The following STK33 variants were observed in gnomAD, a reference collection of about 807,000 sequenced individuals.
The protein encoded by STK33 is serine/threonine-protein kinase 33.
A neutral mutation model predicts 58.0 loss-of-function variants in STK33; 52 were observed. That is an observed-to-expected ratio of 0.90 (90% CI 0.72 to 1.13). The LOEUF (loss-of-function observed/expected upper bound fraction) is 1.13. Among genes scored for constraint, STK33 ranks in the 50% most tolerant of loss-of-function variants. The pLI is 0.00. For missense variants in STK33, 630 were observed against 604.2 expected, an observed-to-expected ratio of 1.04 and a Z score of -0.45; for synonymous variants, 215 against 200.1, an observed-to-expected ratio of 1.07 and a Z score of -0.63.
At chr11:8,528,076 C>T (rs11041962) in intron 1 of STK33, among the ~76,000 whole-genome samples, 83,910 of 151,918 alleles carry the variant, frequency 0.55, 23,563 homozygotes, top group African/African-American at 0.66. Context: ...GGATTTCTCA[C>T]GAGCTTTGTT....
chr11:8,519,411 C>T (rs1014929955), intron 1 of STK33, among the ~76,000 whole-genome samples: 1 of 152,082 alleles, frequency 6.6e-6, no homozygotes, highest in Non-Finnish European at 1.5e-5. Flanking sequence ...AATTGACACC[C>T]TAACATCACA....
chr11:8,518,637 T>C (rs2139721663), intron 1 of STK33, among the ~76,000 whole-genome samples: 1 of 152,174 alleles, frequency 6.6e-6, no homozygotes, highest in African/African-American at 2.4e-5. Flanking sequence ...AATAAAGGGA[T>C]GGAGGAAGAT....
At chr11:8,456,503 T>C (rs952524463) in intron 9 of STK33, among the ~76,000 whole-genome samples, 15 of 152,308 alleles carry the variant, frequency 9.8e-5, no homozygotes, top group Non-Finnish European at 1.0e-4. Context: ...ATGCAGTAGG[T>C]GCTCGGGAAC....
the STK33 span, among the ~76,000 whole-genome samples, chr11:8,366,788 C>T: frequency 6.6e-6 from 1 of 152,248 alleles, no homozygotes; most frequent in Non-Finnish European, 1.5e-5. Flanking sequence ...ATCAATGCCT[C>T]ATGTTAATGA....
chr11:8,527,665 T>C (rs1437873423), intron 1 of STK33, among the ~76,000 whole-genome samples: 2 of 152,182 alleles, frequency 1.3e-5, no homozygotes, highest in Non-Finnish European at 2.9e-5. Context: ...ATGGTGGCTC[T>C]TAGACCAGAG....
intron 15 of STK33, among the ~76,000 whole-genome samples, chr11:8,410,645 G>A (rs1262983620): frequency 6.6e-6 from 1 of 151,898 alleles, no homozygotes; most frequent in Middle Eastern, 3.4e-3. Flanking sequence ...GCTACTTTTT[G>A]TATTTTTAGT....
intron 1 of STK33, among the ~76,000 whole-genome samples, chr11:8,587,437 CAATCCT>C (rs2031866564): frequency 6.6e-6 from 1 of 152,054 alleles, no homozygotes; most frequent in East Asian, 1.9e-4. Context: ...CTGAGCTCAC[CAATCCT>C]AAGCTTTTCC....
chr11:8,377,497 G>GA, the STK33 span, among the ~76,000 whole-genome samples: 1 of 152,148 alleles, frequency 6.6e-6, no homozygotes, highest in Admixed American at 6.5e-5. Flanking sequence ...ATGTATGACA[G>GA]ACCCACAGCA....
chr11:8,526,435 CTATT>C (rs1267249463), intron 1 of STK33, among the ~76,000 whole-genome samples: 1 of 151,840 alleles, frequency 6.6e-6, no homozygotes, highest in Non-Finnish European at 1.5e-5. Flanking sequence ...CTTTGGAAGA[CTATT>C]TAGCATTATC....
At chr11:8,587,517 A>G (rs1359779467) in intron 1 of STK33, among the ~76,000 whole-genome samples, 1 of 152,002 alleles carries the variant, frequency 6.6e-6, no homozygotes, top group African/African-American at 2.4e-5. Flanking sequence ...CCACTCCAAG[A>G]AAAGGAGTTC....
the STK33 span, among the ~76,000 whole-genome samples, chr11:8,361,724 C>T: frequency 2.6e-5 from 4 of 152,244 alleles, no homozygotes; most frequent in African/African-American, 7.2e-5. The surrounding 1 kb of genome is among the most constrained non-coding windows in gnomAD (Gnocchi z 4.8). Context: ...CTTATCTGTA[C>T]GTGGAGCTGG....
intron 6 of STK33, among the ~76,000 whole-genome samples, chr11:8,469,967 C>A (rs1591325068): frequency 6.6e-6 from 1 of 152,212 alleles, no homozygotes; most frequent in African/African-American, 2.4e-5. Flanking sequence ...TTAATGAGCA[C>A]AGGCAGAGCA....
chr11:8,527,264 T>C (rs11041960), intron 1 of STK33, among the ~76,000 whole-genome samples: 35,427 of 152,022 alleles, frequency 0.23, 4,425 homozygotes, highest in African/African-American at 0.31. Flanking sequence ...GCATGAGCAA[T>C]TGTGCCCAGC....
Position 8,424,842 on chromosome 11 carries a change from T to C in STK33, c.1146+10652A>G, listed in dbSNP as rs1457535517. On this transcript the variant is annotated intron_variant, in intron 14 of 15. Transcript: ENST00000687296. ...CCCACTTTTTGATGGGGTTGTTTTT[T>C]TCTTGTAAATTTGTTTGAGTTCATT... 4.2e-5 allele frequency among the ~76,000 whole-genome samples: 6 copies of C among 142,002 alleles called. No homozygotes were observed. The East Asian group carries it at 8.3e-4, about 20-fold the overall frequency. 93.2% of individuals were successfully genotyped at this position (142,002 alleles called of 152,430 possible).
rs199909997 is a variant in STK33, at chr11:8,462,436, CATAT to C, written c.454-531_454-528del. 3.2e-4 allele frequency among the ~76,000 whole-genome samples: 40 copies of C among 123,558 alleles called. 1 individual carries two copies. Among genetic ancestry groups the C allele is most frequent in the African/African-American group, 1.2e-3 (38 of 32,536 alleles). The allele number at this position is 123,558 out of a possible 152,430, so 81.1% of individuals were successfully genotyped here. A position where few individuals can be genotyped will look rare whatever the true frequency, so the allele number is the denominator to read the frequency against. On this transcript the variant is annotated intron_variant, in intron 7 of 15. Coordinates refer to ENST00000687296, the MANE Select transcript of STK33 (RefSeq NM_001352389.2). ...ACACACACATATATATACATATATA[CATAT>C]ATACACACACACACACACACACACA...
chr11:8,569,699 G>T (rs566350624), intron 1 of STK33, among the ~76,000 whole-genome samples: 2 of 152,240 alleles, frequency 1.3e-5, no homozygotes, highest in Middle Eastern at 6.8e-3. Context: ...GCTCACACTG[G>T]TAACCCCAGC....
intron 12 of STK33, among the ~76,000 whole-genome samples, chr11:8,440,091 G>C (rs915065632): frequency 6.6e-6 from 1 of 151,802 alleles, no homozygotes; most frequent in African/African-American, 2.4e-5. Flanking sequence ...AGAAATCAAA[G>C]AATAGGTAAG....
rs924360030 is a variant in STK33, at chr11:8,554,606, T to C, written c.-466+39477A>G. 3.3e-5 allele frequency among the ~76,000 whole-genome samples: 5 copies of C among 152,100 alleles called. No homozygotes were observed. The South Asian group carries it at 1.0e-3, about 31-fold the overall frequency. On this transcript the variant is annotated intron_variant, in intron 1 of 15. Transcript: ENST00000687296. ...TGGCTGTTATCAAAAAGATGAAAGA[T>C]AAGTGTTAGTGAGGATGCAGAGAAA...
At chr11:8,468,603 A>T (rs181689380) in intron 6 of STK33, among the ~76,000 whole-genome samples, 350 of 151,100 alleles carry the variant, frequency 2.3e-3, no homozygotes, top group African/African-American at 8.1e-3. Flanking sequence ...CTTTTGGCTT[A>T]TTTTTTTTTC....
Sources: allele counts gnomAD v4.1 joint callset (sites outside exome capture counted in the v4.1 genomes callset), GRCh38; gene constraint gnomAD v4.1.1; non-coding constraint Gnocchi (gnomAD v3.1); transcripts MANE v1.5; gene names NCBI Gene and HGNC (gene_info 2026-07-23, HGNC 2026-07-21).